TBC1D19: variants seen among roughly 807,000 people sequenced by gnomAD.
The protein encoded by TBC1D19 is TBC1 domain family member 19.
A neutral mutation model predicts 89.0 loss-of-function variants in TBC1D19; 60 were observed. That is an observed-to-expected ratio of 0.67 (90% CI 0.55 to 0.84). The LOEUF is 0.84. Ranked by LOEUF, TBC1D19 falls within the 40% of genes least tolerant of loss-of-function variation. The probability of loss-of-function intolerance (pLI) is 0.00; values close to 1 mark genes in which losing one functional copy is unlikely to be tolerated. For synonymous variants in TBC1D19, 189 were observed against 199.7 expected (o/e 0.95, Z 0.45); for missense variants, 500 against 610.8 (o/e 0.82, Z 1.91).
intron 12 of TBC1D19, among the ~76,000 whole-genome samples, chr4:26,685,951 T>C (rs1418548416): frequency 4.6e-5 from 7 of 152,196 alleles, no homozygotes; most frequent in Admixed American, 4.6e-4. Flanking sequence ...AGAAAATTTG[T>C]TCCAAGAAGG....
intron 4 of TBC1D19, among the ~76,000 whole-genome samples, chr4:26,636,880 CTT>C (rs1246528680): frequency 6.6e-6 from 1 of 152,044 alleles, no homozygotes; most frequent in Admixed American, 6.6e-5. Context: ...TTAAATTTAA[CTT>C]ATCTTTTTAT....
rs184322265 is a variant in TBC1D19, at chr4:26,694,791, G to A, written c.954+6384G>A. The stretch of plus-strand genomic sequence containing the variant: ...GATACCCAGGCAAACAGGGTCTGGA[G>A]TGGACTTCCAGCAAACTCCAACAGA... On this transcript the variant is annotated intron_variant, in intron 13 of 20. Coordinates refer to ENST00000264866, the MANE Select transcript of TBC1D19 (RefSeq NM_018317.4). Among the ~76,000 whole-genome samples the A allele has an allele frequency of 4.6e-3, 697 of 152,340 alleles. 4 individuals carry two copies. The highest frequency in any genetic ancestry group is 8.3e-3 in the South Asian group (40 of 4,828).
intron 1 of TBC1D19, among the ~76,000 whole-genome samples, chr4:26,605,209 C>T (rs1456073884): frequency 5.9e-5 from 7 of 118,072 alleles, no homozygotes; most frequent in African/African-American, 2.2e-4. Flanking sequence ...CCCCCTCCCC[C>T]CACCCCACAA....
chr4:26,716,955 T>A (rs1045911500), intron 13 of TBC1D19, among the ~76,000 whole-genome samples: 1 of 152,080 alleles, frequency 6.6e-6, no homozygotes, highest in Non-Finnish European at 1.5e-5. Context: ...CAATACTCTG[T>A]ATTTCTAAAT....
chr4:26,777,394 C>T, the TBC1D19 span, among the ~76,000 whole-genome samples: 1 of 152,200 alleles, frequency 6.6e-6, no homozygotes, highest in East Asian at 1.9e-4. Context: ...CTTGGCCTCC[C>T]AAAGTGCTGA....
chr4:26,620,739 A>G, intron 4 of TBC1D19, 51 bp downstream of exon 4: 1 of 1,527,576 alleles, frequency 6.5e-7, no homozygotes. Context: ...GTTATGTAAT[A>G]CAGAGCAAAA....
intron 1 of TBC1D19, among the ~76,000 whole-genome samples, chr4:26,588,922 A>G (rs763044097): frequency 6.6e-6 from 1 of 152,114 alleles, no homozygotes; most frequent in Non-Finnish European, 1.5e-5. Flanking sequence ...TACTGAGTGT[A>G]GGGGCTTCAG....
At chr4:26,592,107 G>A (rs752701689) in intron 1 of TBC1D19, among the ~76,000 whole-genome samples, 3 of 152,104 alleles carry the variant, frequency 2.0e-5, no homozygotes, top group African/African-American at 4.8e-5. Context: ...CTGGCAAACC[G>A]AATCCAGCAG....
the TBC1D19 span, among the ~76,000 whole-genome samples, chr4:26,839,341 T>C: frequency 2.0e-5 from 3 of 152,160 alleles, no homozygotes; most frequent in Non-Finnish European, 4.4e-5. Flanking sequence ...CAGTAATAAA[T>C]ACTTATGATT....
At position 26,704,415 on chromosome 4, in the gene TBC1D19, G is replaced by A. The variant is rs189984587; in HGVS notation, c.955-13518G>A. ...AGATTTACTCTTTCTGTTGTATGAC[G>A]AATCTTCCATCATATGCTTGGTTTA... On this transcript the variant is annotated intron_variant, in intron 13 of 20. Coordinates refer to ENST00000264866, the MANE Select transcript of TBC1D19 (RefSeq NM_018317.4). 2.8e-4 allele frequency among the ~76,000 whole-genome samples: 43 copies of A among 152,232 alleles called. No homozygotes were observed. The East Asian group carries it at 8.1e-3, about 29-fold the overall frequency.
chr4:26,584,401 C>A, intron 1 of TBC1D19, 109 bp downstream of exon 1: 1 of 960,650 alleles, frequency 1.0e-6, no homozygotes, highest in Non-Finnish European at 1.6e-6. Flanking sequence ...TCCAGCTCCG[C>A]TCTGGTGCTC....
At chr4:26,588,905 A>G (rs1381075336) in intron 1 of TBC1D19, among the ~76,000 whole-genome samples, 2 of 152,134 alleles carry the variant, frequency 1.3e-5, no homozygotes, top group Admixed American at 6.6e-5. Context: ...TCAGTATTCT[A>G]TATCCTTACT....
At chr4:26,746,716 G>A (rs1469933815) in intron 18 of TBC1D19, among the ~76,000 whole-genome samples, 1 of 151,982 alleles carries the variant, frequency 6.6e-6, no homozygotes, top group African/African-American at 2.4e-5. Flanking sequence ...CCCTATATAT[G>A]AATAACTATG....
Position 26,589,484 on chromosome 4 carries a change from C to T in TBC1D19, c.99+5192C>T, listed in dbSNP as rs181788979. On this transcript the variant is annotated intron_variant, in intron 1 of 20. Transcript: ENST00000264866. The stretch of plus-strand genomic sequence containing the variant: ...AGAAGTCTGTTGTTTGTTATTCAGT[C>T]CTGGGCTCACAGTAGGTGCAGGAGT... Among the ~76,000 whole-genome samples the T allele has an allele frequency of 3.4e-3, 522 of 152,242 alleles. 5 individuals carry two copies. Among genetic ancestry groups the T allele is most frequent in the South Asian group, 9.5e-3 (46 of 4,820 alleles).
intron 15 of TBC1D19, among the ~76,000 whole-genome samples, chr4:26,735,058 A>G (rs181888204): frequency 4.7e-5 from 7 of 149,466 alleles, no homozygotes; most frequent in Admixed American, 2.7e-4. Flanking sequence ...ACATGTATAT[A>G]TGTATATATG....
chr4:26,763,767 T>C, the TBC1D19 span, among the ~76,000 whole-genome samples: 1 of 152,216 alleles, frequency 6.6e-6, no homozygotes, highest in Non-Finnish European at 1.5e-5. Flanking sequence ...TACATAAAAG[T>C]ATCTTGAATA....
intron 8 of TBC1D19, among the ~76,000 whole-genome samples, chr4:26,663,803 G>A (rs894438707): frequency 6.6e-6 from 1 of 152,160 alleles, no homozygotes; most frequent in African/African-American, 2.4e-5. Context: ...GTCTGTCTGT[G>A]CGAGTATTGA....
the TBC1D19 span, among the ~76,000 whole-genome samples, chr4:26,776,959 C>T: frequency 1.3e-5 from 2 of 151,992 alleles, no homozygotes; most frequent in African/African-American, 4.8e-5. Flanking sequence ...ATCGTGTGCT[C>T]TTTCAATATG....
the TBC1D19 span, among the ~76,000 whole-genome samples, chr4:26,765,602 GTC>G: frequency 6.6e-6 from 1 of 152,102 alleles, no homozygotes; most frequent in Non-Finnish European, 1.5e-5. Context: ...TAGGTGAACC[GTC>G]TCCTCAGAGG....
Sources: allele counts gnomAD v4.1 joint callset (sites outside exome capture counted in the v4.1 genomes callset), GRCh38; gene constraint gnomAD v4.1.1; transcripts MANE v1.5; gene names NCBI Gene and HGNC (gene_info 2026-07-23, HGNC 2026-07-21).